DUOX2: variants seen among roughly 807,000 people sequenced by gnomAD.
The protein encoded by DUOX2 is NADH/NADPH thyroid oxidase p138-tox.
DUOX2 carries 185 observed loss-of-function variants against 183.3 expected under a neutral mutation model. The observed-to-expected ratio is 1.01, with a 90% confidence interval of 0.90 to 1.14. The LOEUF is 1.14. DUOX2 is among the 50% of genes most tolerant of loss of function. The probability of loss-of-function intolerance (pLI) is 0.00; values close to 1 mark genes in which losing one functional copy is unlikely to be tolerated. For synonymous variants in DUOX2, 788 were observed against 812.4 expected, an observed-to-expected ratio of 0.97 and a Z score of 0.51; for missense variants, 1,999 against 2,022.9, an observed-to-expected ratio of 0.99 and a Z score of 0.23.
At position 45,094,723 on chromosome 15, in the gene DUOX2, C is replaced by G. The variant is rs764419796; in HGVS notation, c.4396-32G>C. 8.1e-6 allele frequency: 13 copies of G among 1,612,788 alleles called. No homozygotes were observed. The South Asian group carries it at 1.3e-4, about 16-fold the overall frequency. ...GCACAGGGGCAGGTCAGACCAAAGA[C>G]AGTCAGGGCCAGCACTCAGCCCGAG... On this transcript the variant is annotated intron_variant, in intron 32 of 33. Coordinates refer to ENST00000389039, the MANE Select transcript of DUOX2 (RefSeq NM_001363711.2).
intron 13 of DUOX2, among the ~76,000 whole-genome samples, chr15:45,107,710 G>A (rs144511256): frequency 4.3e-4 from 65 of 151,968 alleles, no homozygotes; most frequent in Admixed American, 3.8e-3. Context: ...AATTAGCCGG[G>A]CATGTTGGTG....
chr15:45,113,100 C>T, intron 2 of DUOX2, 24 bp from the exon 3 acceptor site: 2 of 1,607,742 alleles, frequency 1.2e-6, no homozygotes, highest in Non-Finnish European at 8.5e-7. Context: ...GAAGGGCCTC[C>T]TCAGCACTAC....
chr15:45,101,042 A>C, intron 22 of DUOX2, 163 bp downstream of exon 22: 1 of 735,432 alleles, frequency 1.4e-6, no homozygotes, highest in South Asian at 1.5e-5. Context: ...GCATCCGAGC[A>C]GCATAGGGTG....
rs780760868 is a variant in DUOX2 at position 45,096,014 on chromosome 15, C to G, written c.3894G>C (p.Lys1298Asn). The change falls in exon 30 of 34, where the codon AAG becomes AAC. Residue 1298 changes from lysine (K) to asparagine (N), a missense_variant. Coordinates refer to ENST00000389039, the MANE Select transcript of DUOX2 (RefSeq NM_001363711.2). The part of the protein sequence containing the change: ...QFQRPQGFEY[K>N]SGQWVRIACL... ...AGGCGATCCGCACCCACTGTCCTGA[C>G]TTGTACTCAAAGCCTTGGGGCCTCT... The G allele has an allele frequency of 6.2e-7, 1 of 1,614,110 alleles. No individual in the cohort carries two copies. The highest frequency in any genetic ancestry group is 1.1e-5 in the South Asian group (1 of 91,064).
rs1316670460 is a variant in DUOX2 at position 45,113,340 on chromosome 15, G to C, written c.70+2C>G. On this transcript the variant is annotated splice_donor_variant, in intron 2 of 33. Coordinates refer to ENST00000389039, the MANE Select transcript of DUOX2 (RefSeq NM_001363711.2). LOFTEE classifies it high-confidence loss of function. ...CCGCCGCTAGAGGAGCCTGATACTT[G>C]CCCGATGGACCCAGGGATCCAGTCA... The C allele has an allele frequency of 5.1e-6, 8 of 1,559,782 alleles. No individual in the cohort carries two copies. The highest frequency in any genetic ancestry group is 7.0e-6 in the Non-Finnish European group (8 of 1,150,984).
chr15:45,101,477 A>C, intron 21 of DUOX2: 1 of 646,924 alleles, frequency 1.5e-6, no homozygotes. Flanking sequence ...ACATCCTCTT[A>C]GGTGGATGCA....
At position 45,110,492 on chromosome 15, in the gene DUOX2, G is replaced by A. The variant is rs1270065963; in HGVS notation, c.976C>T (p.Pro326Ser). 6.2e-7 allele frequency: 1 copy of A among 1,614,156 alleles called. No individual in the cohort carries two copies. The highest frequency in any genetic ancestry group is 1.1e-5 in the South Asian group (1 of 91,088). The change falls in exon 9 of 34, where the codon CCG becomes TCG. Residue 326 changes from proline to serine, a missense_variant. Coordinates refer to ENST00000389039, the MANE Select transcript of DUOX2 (RefSeq NM_001363711.2). Reference protein sequence around the residue: ...YRPFLDPSISPEFVVASEQFF... With the variant: ...YRPFLDPSISSEFVVASEQFF... ...TGCTCAGAGGCCACCACAAATTCCG[G>A]GGAGATGCTGGGGTCTAGGAAAGGA...
chr15:45,109,445 G>A (rs1894318472), intron 11 of DUOX2, 79 bp downstream of exon 11: 1 of 1,232,864 alleles, frequency 8.1e-7, no homozygotes, highest in Admixed American at 1.7e-5. Flanking sequence ...GAGCGCCCTA[G>A]GTCTGCTATT....
chr15:45,099,824 C>G lies in DUOX2; in HGVS notation c.3253G>C (p.Gly1085Arg), dbSNP rs767324555. The change falls in exon 25 of 34, where the codon GGC becomes CGC. Residue 1085 changes from glycine (G) to arginine (R), a missense_variant. Gly to Arg is a moderately radical substitution (Grantham distance 125). This residue lies in a region of DUOX2 where 1,628 missense variants were observed against 1,608.6 expected (regional missense o/e 1.01). Transcript: ENST00000389039. ...ATGAAGGAGACGCTGGCCGCCGTGC[C>G]TCGTGACAGGATGATGCCCACGAGG... ...TTLVGIILSR[G>R]TAASVSFMFS... 3.7e-6 allele frequency: 6 copies of G among 1,614,214 alleles called. No individual in the cohort carries two copies. The highest frequency in any genetic ancestry group is 5.1e-6 in the Non-Finnish European group (6 of 1,180,044).
intron 14 of DUOX2, 38 bp downstream of exon 14, chr15:45,107,307 G>A (rs780065631): frequency 1.3e-5 from 21 of 1,609,068 alleles, no homozygotes; most frequent in Non-Finnish European, 1.4e-5. Context: ...TCCTTCTCTG[G>A]CCACTGTCAC....
intron 20 of DUOX2, among the ~76,000 whole-genome samples, chr15:45,102,269 G>GGC: frequency 6.6e-6 from 1 of 152,152 alleles, no homozygotes; most frequent in African/African-American, 2.4e-5. Context: ...TGAGTGCAGG[G>GGC]GTGTCCAGGG....
At position 45,107,040 on chromosome 15, in the gene DUOX2, A is replaced by G. The variant is rs1170351482; in HGVS notation, c.1694-71T>C. 5 of 1,549,660 alleles carry G rather than the reference A, an allele frequency of 3.2e-6. No homozygotes were observed. The African/African-American group carries it at 5.5e-5, about 17-fold the overall frequency. The stretch of plus-strand genomic sequence containing the variant: ...ATGTGGCCAGACCTCTTTCCCCTCT[A>G]TCCTATAAAGGACCAAGGTATCATC... On this transcript the variant is annotated intron_variant, in intron 14 of 33. Coordinates refer to ENST00000389039, the MANE Select transcript of DUOX2 (RefSeq NM_001363711.2).
At position 45,097,708 on chromosome 15, in the gene DUOX2, G is replaced by A; in HGVS notation, c.3599C>T (p.Ala1200Val). 9 of 1,614,240 alleles carry A rather than the reference G, an allele frequency of 5.6e-6. No homozygotes were observed. The highest frequency in any genetic ancestry group is 7.6e-6 in the Non-Finnish European group (9 of 1,180,048). Residue 1200 changes from alanine (A) to valine (V), a missense_variant, in exon 28 of 34, where the codon GCC (alanine) becomes GTC (valine). By Grantham distance (64) the Ala-to-Val change is moderately conservative (BLOSUM62 0). Coordinates refer to ENST00000389039, the MANE Select transcript of DUOX2 (RefSeq NM_001363711.2). ...MTGVLLLLVL[A>V]IMYVFASHHF... Reference sequence around the variant, plus strand: ...GTGGGAGGCGAAGACATACATGATGGCCAGGACCAGGAGCAGAAGCACACC... The same window carrying A: ...GTGGGAGGCGAAGACATACATGATGACCAGGACCAGGAGCAGAAGCACACC...
In DUOX2 at chr15:45,097,682, G is replaced by A; in HGVS notation, c.3625C>T (p.His1209Tyr). The change falls in exon 28 of 34, where the codon CAC becomes TAC. Residue 1209 changes from histidine (H) to tyrosine (Y), a missense_variant. Transcript: ENST00000389039. ...LAIMYVFASH[H>Y]FRRRSFRGFW... Reference sequence around the variant, plus strand: ...CCCCGGAAGCTGCGGCGGCGGAAGTGGTGGGAGGCGAAGACATACATGATG... The same window carrying A: ...CCCCGGAAGCTGCGGCGGCGGAAGTAGTGGGAGGCGAAGACATACATGATG... The A allele has an allele frequency of 6.2e-7, 1 of 1,614,234 alleles. No homozygotes were observed. Among genetic ancestry groups the A allele is most frequent in the Non-Finnish European group, 8.5e-7 (1 of 1,180,048 alleles).
rs888890974 is a variant in DUOX2, at chr15:45,104,063, A to G, written c.2561-10T>C. On this transcript the variant is annotated splice_polypyrimidine_tract_variant and intron_variant, in intron 19 of 33. Coordinates refer to ENST00000389039, the MANE Select transcript of DUOX2 (RefSeq NM_001363711.2). ...TTATCCTCTGGGGAGCCTGGGAAGA[A>G]AAAAGGGAATGCAGGTCATCTCCTT... is the stretch of plus-strand genomic sequence containing the variant. The G allele has an allele frequency of 1.9e-6, 3 of 1,614,156 alleles. No individual in the cohort carries two copies. Among genetic ancestry groups the G allele is most frequent in the Non-Finnish European group, 2.5e-6 (3 of 1,180,028 alleles).
chr15:45,094,404 T>G, intron 33 of DUOX2, 132 bp from the exon 34 acceptor site: 1 of 1,532,642 alleles, frequency 6.5e-7, no homozygotes, highest in Non-Finnish European at 8.9e-7. Flanking sequence ...AGGCTTAACG[T>G]GGAGGGGGTG....
intron 14 of DUOX2, 42 bp from the exon 15 acceptor site, chr15:45,107,011 C>G (rs377597913): frequency 6.4e-7 from 1 of 1,558,260 alleles, no homozygotes; most frequent in South Asian, 1.2e-5. Flanking sequence ...CTGAGGATCC[C>G]GCTATGTGGC....
chr15:45,094,906 A>G (rs1356615584), intron 32 of DUOX2, 30 bp downstream of exon 32: 1 of 1,612,708 alleles, frequency 6.2e-7, no homozygotes, highest in Non-Finnish European at 8.5e-7. Flanking sequence ...CTGCCCGCCA[A>G]GTTGCCCTGC....
chr15:45,110,632 C>G lies in DUOX2; in HGVS notation c.943+18G>C, dbSNP rs79467028. 2,284 of 1,613,376 alleles carry G rather than the reference C, an allele frequency of 1.4e-3. 40 individuals are homozygous for G. The African/African-American group carries it at 0.027, about 19-fold the overall frequency. ...TCAGGATTCTCCGCACAGGTGTCCT[C>G]CTTCCCCGCTCCCTCACCTGTATAC... On this transcript the variant is annotated intron_variant, in intron 8 of 33. Transcript: ENST00000389039.
Sources: gnomAD v4.1 joint callset for allele counts (sites outside exome capture counted in the v4.1 genomes callset) on GRCh38, gnomAD v4.1.1 for gene constraint, gnomAD v4.1.1 regional missense constraint, MANE v1.5 for transcripts, NCBI Gene and HGNC (gene_info 2026-07-23, HGNC 2026-07-21) for gene names.